The following ATP11C variants were observed in gnomAD, a reference collection of about 807,000 sequenced individuals.
ATP11C encodes the protein phospholipid-transporting ATPase IG.
A neutral mutation model predicts 97.4 loss-of-function variants in ATP11C; 36 were observed. The observed-to-expected ratio is 0.37, with a 90% confidence interval of 0.28 to 0.49. The LOEUF (loss-of-function observed/expected upper bound fraction) is 0.49. ATP11C is among the 20% of genes least tolerant of loss of function. The pLI, the probability that ATP11C is intolerant of heterozygous loss-of-function variation, is 0.98. For missense variants in ATP11C, 730 were observed against 824.6 expected, an observed-to-expected ratio of 0.89 and a Z score of 1.40; for synonymous variants, 275 against 290.9, an observed-to-expected ratio of 0.95 and a Z score of 0.56.
chrX:139,766,607 T>TGTGTGC, intron 20 of ATP11C, among the ~76,000 whole-genome samples: 1 of 110,565 alleles, frequency 9.0e-6, no homozygotes, highest in East Asian at 2.9e-4. Context: ...TGTGTGCATA[T>TGTGTGC]GTGTGCGTGT....
intron 12 of ATP11C, among the ~76,000 whole-genome samples, chrX:139,790,980 G>A (rs947938407): frequency 1.2e-4 from 13 of 110,770 alleles, no homozygotes; most frequent in Non-Finnish European, 1.9e-4. Context: ...TTTTATCCTC[G>A]TTTTGGCAAT....
intron 1 of ATP11C, among the ~76,000 whole-genome samples, chrX:139,852,126 T>C (rs1372685699): frequency 9.4e-6 from 1 of 106,745 alleles, no homozygotes; most frequent in Non-Finnish European, 1.9e-5. Context: ...TGAGATGTTA[T>C]CATGCAAAAA....
chrX:139,767,439 G>A (rs928739309), intron 20 of ATP11C, among the ~76,000 whole-genome samples: 1 of 111,451 alleles, frequency 9.0e-6, no homozygotes, highest in Non-Finnish European at 1.9e-5. Flanking sequence ...GAGACATAGG[G>A]AGCAAGAGAA....
intron 1 of ATP11C, among the ~76,000 whole-genome samples, chrX:139,906,427 G>GAAA (rs5904006): frequency 2.1e-5 from 2 of 96,583 alleles, no homozygotes; most frequent in African/African-American, 3.8e-5. Context: ...CAAAAAAAAC[G>GAAA]AAAAAAAAAA....
At chrX:139,807,411 A>G (rs1472718395) in intron 5 of ATP11C, among the ~76,000 whole-genome samples, 1 of 111,346 alleles carries the variant, frequency 9.0e-6, no homozygotes, top group Non-Finnish European at 1.9e-5. Context: ...GACTAGATTG[A>G]CTCAACCGCC....
intron 18 of ATP11C, among the ~76,000 whole-genome samples, chrX:139,780,883 T>C (rs2082440789): frequency 1.8e-5 from 2 of 111,547 alleles, no homozygotes; most frequent in Admixed American, 9.5e-5. Flanking sequence ...TAAGTACACA[T>C]GGACATAAAA....
chrX:139,733,246 C>T (rs997878756), intron 28 of ATP11C, among the ~76,000 whole-genome samples: 16 of 111,674 alleles, frequency 1.4e-4, no homozygotes, highest in African/African-American at 5.2e-4. Flanking sequence ...GTTTAACTGG[C>T]AAACCTAAGG....
intron 1 of ATP11C, among the ~76,000 whole-genome samples, chrX:139,850,094 AAGAC>A (rs777737265): frequency 3.4e-4 from 38 of 112,265 alleles, no homozygotes; most frequent in Non-Finnish European, 6.2e-4. Context: ...AAAATGAAGA[AAGAC>A]AGAGAAGTGG....
At chrX:139,734,785 A>C (rs1172363957) in intron 28 of ATP11C, among the ~76,000 whole-genome samples, 1 of 111,260 alleles carries the variant, frequency 9.0e-6, no homozygotes, top group Non-Finnish European at 1.9e-5. Flanking sequence ...AACTTTGGGG[A>C]AAAAAATTAA....
At chrX:139,832,215 C>A (rs2083666078) in intron 1 of ATP11C, 1 of 1,206,164 alleles carries the variant, frequency 8.3e-7, no homozygotes, top group African/African-American at 1.7e-5. Context: ...TTTGGCAACA[C>A]AATGGCAGCT....
intron 1 of ATP11C, among the ~76,000 whole-genome samples, chrX:139,905,527 T>C (rs1387571296): frequency 9.0e-6 from 1 of 111,715 alleles, no homozygotes; most frequent in Non-Finnish European, 1.9e-5. Context: ...TAGTGAAACA[T>C]AATTTACCAC....
chrX:139,929,845 A>G (rs1263146329), intron 1 of ATP11C, among the ~76,000 whole-genome samples: 1 of 111,861 alleles, frequency 8.9e-6, no homozygotes, highest in Non-Finnish European at 1.9e-5. Context: ...AGAGGAGAAC[A>G]GCGCATGGTT....
At chrX:139,892,653 T>C (rs921260136) in intron 1 of ATP11C, among the ~76,000 whole-genome samples, 1 of 111,860 alleles carries the variant, frequency 8.9e-6, no homozygotes, top group Admixed American at 9.5e-5. Context: ...GGCCCAGAAA[T>C]ACAAGGGCTA....
chrX:139,918,005 G>T (rs1483129952), intron 1 of ATP11C, among the ~76,000 whole-genome samples: 1 of 96,528 alleles, frequency 1.0e-5, no homozygotes, highest in Non-Finnish European at 2.0e-5. Flanking sequence ...AAAAAATATA[G>T]CAATTGTTGG....
intron 16 of ATP11C, among the ~76,000 whole-genome samples, chrX:139,783,851 G>C (rs1177286557): frequency 9.7e-6 from 1 of 103,202 alleles, no homozygotes; most frequent in African/African-American, 4.0e-5. Flanking sequence ...CTAGATGACA[G>C]AGTAATACCG....
At chrX:139,864,570 T>C (rs2084252926) in intron 1 of ATP11C, among the ~76,000 whole-genome samples, 1 of 112,045 alleles carries the variant, frequency 8.9e-6, no homozygotes, top group African/African-American at 3.2e-5. Context: ...TATATGTAAA[T>C]TGGGACATAC....
chrX:139,884,894 G>A (rs2084615599), intron 1 of ATP11C, among the ~76,000 whole-genome samples: 1 of 111,734 alleles, frequency 8.9e-6, no homozygotes, highest in South Asian at 3.7e-4. Flanking sequence ...CCACTAAATT[G>A]AGCACATTCT....
upstream of ATP11C, among the ~76,000 whole-genome samples, chrX:139,934,662 C>T (rs751548143): frequency 3.8e-5 from 4 of 105,475 alleles, no homozygotes; most frequent in African/African-American, 1.1e-4. Flanking sequence ...AAGTGATTCT[C>T]GTGCCTCAGC....
At chrX:139,797,646 T>C (rs1054044050) in intron 10 of ATP11C, among the ~76,000 whole-genome samples, 1 of 111,332 alleles carries the variant, frequency 9.0e-6, no homozygotes, top group African/African-American at 3.3e-5. Flanking sequence ...ACTCAACCCT[T>C]ATAGAAAGAG....
Sources: gnomAD v4.1 joint callset for allele counts (sites outside exome capture counted in the v4.1 genomes callset) on GRCh38, gnomAD v4.1.1 for gene constraint, MANE v1.5 for transcripts, NCBI Gene and HGNC (gene_info 2026-07-23, HGNC 2026-07-21) for gene names.